The following LHFPL1 variants were observed in gnomAD, a reference collection of about 807,000 sequenced individuals.
The protein encoded by LHFPL1 is LHFPL tetraspan subfamily member 1 protein.
In LHFPL1, 4 loss-of-function variants were observed where a neutral mutation model predicts 12.1. That is an observed-to-expected ratio of 0.33 (90% CI 0.16 to 0.76). LHFPL1 has a LOEUF of 0.76. Ranked by LOEUF, LHFPL1 falls within the 30% of genes least tolerant of loss-of-function variation. LHFPL1 has a pLI of 0.61. For missense variants in LHFPL1, 141 were observed against 174.1 expected, an observed-to-expected ratio of 0.81 and a Z score of 1.07; for synonymous variants, 52 against 61.9, an observed-to-expected ratio of 0.84 and a Z score of 0.75.
chrX:112,660,911 G>A (rs192934048), intron 2 of LHFPL1, among the ~76,000 whole-genome samples, 186 bp from the exon 3 acceptor site: 4 of 111,940 alleles, frequency 3.6e-5, no homozygotes, highest in South Asian at 3.8e-4. Context: ...ACAGGTAGTG[G>A]AGTGTAATAG....
At chrX:112,658,636 T>C (rs1010572951) in intron 3 of LHFPL1, among the ~76,000 whole-genome samples, 6 of 110,951 alleles carry the variant, frequency 5.4e-5, no homozygotes, top group African/African-American at 1.6e-4. Flanking sequence ...AAAATAAGTA[T>C]TGAGGAAGAT....
At chrX:112,644,648 A>G (rs1051260609) in intron 3 of LHFPL1, among the ~76,000 whole-genome samples, 1 of 111,376 alleles carries the variant, frequency 9.0e-6, no homozygotes, top group African/African-American at 3.3e-5. Flanking sequence ...AATGCTCTCT[A>G]TGTGAAAACA....
intron 3 of LHFPL1, among the ~76,000 whole-genome samples, chrX:112,658,958 T>A (rs905084932): frequency 8.9e-6 from 1 of 112,129 alleles, no homozygotes; most frequent in African/African-American, 3.2e-5. Flanking sequence ...AGAAATAAAG[T>A]ACTGGTACAT....
chrX:112,632,003 A>C (rs1300988660), intron 3 of LHFPL1, among the ~76,000 whole-genome samples: 1 of 111,588 alleles, frequency 9.0e-6, no homozygotes, highest in African/African-American at 3.3e-5. Context: ...CTGTTTTACA[A>C]AGGACGAAGC....
At chrX:112,669,721 G>C (rs1931438447) in intron 2 of LHFPL1, among the ~76,000 whole-genome samples, 1 of 112,011 alleles carries the variant, frequency 8.9e-6, no homozygotes, top group African/African-American at 3.2e-5. Flanking sequence ...TCCTCATCTT[G>C]TGCATTGTAG....
Position 112,671,004 on chromosome X carries a change from C to A in LHFPL1, c.382+5G>T. The A allele has an allele frequency of 8.3e-7, 1 of 1,204,244 alleles. No individual in the cohort carries two copies. The highest frequency in any genetic ancestry group is 2.3e-4 in the Middle Eastern group (1 of 4,309). On this transcript the variant is annotated splice_donor_5th_base_variant and intron_variant, in intron 2 of 3. Coordinates refer to ENST00000371968, the MANE Select transcript of LHFPL1 (RefSeq NM_178175.4). Reference sequence around the variant, plus strand: ...ACCTACCCAATCCCAGAAGCACAGTCTTACCTCCAACAAACTGCGCTGCTC... The same window carrying A: ...ACCTACCCAATCCCAGAAGCACAGTATTACCTCCAACAAACTGCGCTGCTC...
rs778261857 is a variant in LHFPL1, at chrX:112,647,781, C to T, written c.481+12846G>A. Among the ~76,000 whole-genome samples the T allele has an allele frequency of 4.5e-5, 5 of 111,948 alleles. No homozygotes were observed. The East Asian group carries it at 1.4e-3, about 31-fold the overall frequency. On this transcript the variant is annotated intron_variant, in intron 3 of 3. Coordinates refer to ENST00000371968, the MANE Select transcript of LHFPL1 (RefSeq NM_178175.4). ...GACAGTTTGGCAATTCCTCAAGAAT[C>T]TAGAAACAGAAATACCATTTGACCC...
At chrX:112,675,215 A>C (rs1931624267) in intron 1 of LHFPL1, among the ~76,000 whole-genome samples, 1 of 111,261 alleles carries the variant, frequency 9.0e-6, no homozygotes, top group Admixed American at 9.6e-5. Flanking sequence ...ATCACCACTA[A>C]AGAACTTACT....
At chrX:112,640,635 GGA>G (rs759552839) in intron 3 of LHFPL1, among the ~76,000 whole-genome samples, 1 of 111,865 alleles carries the variant, frequency 8.9e-6, no homozygotes, top group Admixed American at 9.5e-5. Context: ...TGTGGAACAG[GGA>G]GAGAGAGAGT....
At position 112,671,255 on chromosome X, in the gene LHFPL1, T is replaced by G. The variant is rs1931491658; in HGVS notation, c.136A>C (p.Thr46Pro). 1 of 1,212,071 alleles carries G rather than the reference T, an allele frequency of 8.3e-7. No individual in the cohort carries two copies. Among genetic ancestry groups the G allele is most frequent in the Non-Finnish European group, 1.1e-6 (1 of 895,596 alleles). The change falls in exon 2 of 4, where the codon ACA becomes CCA. Residue 46 changes from threonine (T) to proline (P), a missense_variant. Coordinates refer to ENST00000371968, the MANE Select transcript of LHFPL1 (RefSeq NM_178175.4). ...SQMGKPVSFS[T>P]FRRCNYPVRG... ...ACAGGGTAGTTGCACCTCCGGAATG[T>G]GCTGAATGACACTGGCTTCCCCATC...
intron 2 of LHFPL1, 28 bp from the exon 3 acceptor site, chrX:112,660,753 A>G (rs766875386): frequency 1.6e-4 from 162 of 1,023,316 alleles, no homozygotes; most frequent in Non-Finnish European, 2.2e-4. Context: ...ACACAGACAG[A>G]AAAAATATAA....
intron 3 of LHFPL1, among the ~76,000 whole-genome samples, chrX:112,633,243 C>A (rs941498108): frequency 8.9e-6 from 1 of 112,070 alleles, no homozygotes; most frequent in South Asian, 3.7e-4. Context: ...TTTAGCCTAA[C>A]AGTACTTCAA....
chrX:112,670,973 T>C, intron 2 of LHFPL1, 36 bp downstream of exon 2: 1 of 1,183,980 alleles, frequency 8.4e-7, no homozygotes, highest in Non-Finnish European at 1.1e-6. Flanking sequence ...GCCCCAAAGC[T>C]ACCCAACCTA....
In LHFPL1 at chrX:112,631,505, T is replaced by C; in HGVS notation, c.578A>G (p.Asn193Ser). 1 of 1,209,778 alleles carries C rather than the reference T, an allele frequency of 8.3e-7. No homozygotes were observed. The highest frequency in any genetic ancestry group is 1.8e-5 in the South Asian group (1 of 56,698). The part of the protein sequence containing the change: ...CTWLSCFAGR[N>S]PKPVILVESI... ...CTCCACCAATATGACAGGCTTGGGG[T>C]TTCTTCCAGCAAAGCAAGAGAGCCA... The change falls in exon 4 of 4, where the codon AAC becomes AGC. Residue 193 changes from asparagine (N) to serine (S), a missense_variant. Coordinates refer to ENST00000371968, the MANE Select transcript of LHFPL1 (RefSeq NM_178175.4).
At chrX:112,677,102 T>A (rs1931674412) in intron 1 of LHFPL1, among the ~76,000 whole-genome samples, 1 of 112,106 alleles carries the variant, frequency 8.9e-6, no homozygotes, top group African/African-American at 3.2e-5. Context: ...TGCTTTTATA[T>A]TTCTCTTGGT....
rs777327620 is a variant in LHFPL1, at chrX:112,671,249, G to A, written c.142C>T (p.Arg48Trp). 6 of 1,211,938 alleles carry A rather than the reference G, an allele frequency of 5.0e-6. No individual in the cohort carries two copies. Among genetic ancestry groups the A allele is most frequent in the East Asian group, 3.0e-5 (1 of 33,834 alleles). ...MGKPVSFSTFRRCNYPVRGEG... is the reference protein window; with the variant it reads ...MGKPVSFSTFWRCNYPVRGEG... ...CCCCGCACAGGGTAGTTGCACCTCC[G>A]GAATGTGCTGAATGACACTGGCTTC... The change falls in exon 2 of 4, where the codon CGG becomes TGG. Residue 48 changes from arginine (R) to tryptophan (W), a missense_variant. Arg to Trp is a moderately radical substitution (Grantham distance 101). Coordinates refer to ENST00000371968, the MANE Select transcript of LHFPL1 (RefSeq NM_178175.4).
At chrX:112,659,217 G>C (rs962115761) in intron 3 of LHFPL1, among the ~76,000 whole-genome samples, 15 of 111,525 alleles carry the variant, frequency 1.3e-4, no homozygotes, top group African/African-American at 4.6e-4. Context: ...CCAGCACTTT[G>C]GGAGGCAAAG....
At chrX:112,652,446 G>T (rs1162662283) in intron 3 of LHFPL1, among the ~76,000 whole-genome samples, 2 of 111,687 alleles carry the variant, frequency 1.8e-5, no homozygotes, top group Non-Finnish European at 3.8e-5. Flanking sequence ...GACACACAAG[G>T]TCTGGGCCAA....
chrX:112,673,950 G>T (rs1050503178), intron 1 of LHFPL1, among the ~76,000 whole-genome samples: 1 of 111,629 alleles, frequency 9.0e-6, no homozygotes, highest in South Asian at 3.8e-4. Flanking sequence ...AACTAACTCC[G>T]AATGTCCCTC....
Sources: gnomAD v4.1 joint callset for allele counts (sites outside exome capture counted in the v4.1 genomes callset) on GRCh38, gnomAD v4.1.1 for gene constraint, MANE v1.5 for transcripts, NCBI Gene and HGNC (gene_info 2026-07-23, HGNC 2026-07-21) for gene names.